The following ROBO1 variants were observed in gnomAD, a reference collection of about 807,000 sequenced individuals.
ROBO1 encodes roundabout homolog 1.
A neutral mutation model predicts 195.9 loss-of-function variants in ROBO1; 149 were observed. That is an observed-to-expected ratio of 0.76 (90% CI 0.67 to 0.87). The LOEUF is 0.87. Among genes scored for constraint, ROBO1 ranks in the 40% least tolerant of loss-of-function variants. The probability of loss-of-function intolerance (pLI) is 0.00; values close to 1 mark genes in which losing one functional copy is unlikely to be tolerated. For missense variants in ROBO1, 1,933 were observed against 2,068.3 expected (o/e 0.93, Z 1.27); for synonymous variants, 816 against 733.2 (o/e 1.11, Z -1.82).
At chr3:79,484,762 T>TTTTTTTTTTTTTTTTTTTTTTTTTG (rs1939067469) in intron 2 of ROBO1, among the ~76,000 whole-genome samples, 1 of 114,408 alleles carries the variant, frequency 8.7e-6, no homozygotes, top group Non-Finnish European at 1.8e-5. Flanking sequence ...TATCTTTTTT[T>TTTTTTTTTTTTTTTTTTTTTTTTTG]TTTTTTTTTT....
chr3:78,611,941 T>C (rs576011888), intron 28 of ROBO1, among the ~76,000 whole-genome samples: 1 of 152,264 alleles, frequency 6.6e-6, no homozygotes, highest in South Asian at 2.1e-4. Context: ...CTTAAACTTC[T>C]GGCTTCCAGA....
At chr3:78,896,508 A>T (rs1389204592) in intron 4 of ROBO1, among the ~76,000 whole-genome samples, 2 of 151,796 alleles carry the variant, frequency 1.3e-5, no homozygotes, top group Non-Finnish European at 2.9e-5. Context: ...ACTTTGTGAG[A>T]TCCACCCCCT....
intron 1 of ROBO1, among the ~76,000 whole-genome samples, chr3:79,656,150 A>G (rs2106786890): frequency 6.6e-6 from 1 of 152,210 alleles, no homozygotes; most frequent in East Asian, 1.9e-4. Flanking sequence ...AGGATTGCAA[A>G]GACAAAGTGA....
intron 8 of ROBO1, among the ~76,000 whole-genome samples, chr3:78,702,951 T>G (rs1040404350): frequency 6.6e-6 from 1 of 152,204 alleles, no homozygotes; most frequent in African/African-American, 2.4e-5. Flanking sequence ...TTGCCTGGCG[T>G]GCACAATTAA....
chr3:79,307,273 A>T (rs1234252343), intron 2 of ROBO1, among the ~76,000 whole-genome samples: 1 of 152,028 alleles, frequency 6.6e-6, no homozygotes, highest in Non-Finnish European at 1.5e-5. Flanking sequence ...CAAACTATAG[A>T]CATTATCCAT....
intron 2 of ROBO1, among the ~76,000 whole-genome samples, chr3:79,341,270 T>A (rs1288621715): frequency 6.6e-6 from 1 of 152,144 alleles, no homozygotes; most frequent in African/African-American, 2.4e-5. Context: ...AGAAAAACAG[T>A]TGCTTAGACA....
chr3:78,692,293 C>T (rs1575947245), intron 8 of ROBO1, among the ~76,000 whole-genome samples: 1 of 151,922 alleles, frequency 6.6e-6, no homozygotes, highest in African/African-American at 2.4e-5. Context: ...GAGGCAGGGT[C>T]TTGTCTCACT....
chr3:78,711,361 T>C (rs1559772914), intron 8 of ROBO1, among the ~76,000 whole-genome samples: 2 of 40,292 alleles, frequency 5.0e-5, no homozygotes, highest in African/African-American at 2.0e-4. Flanking sequence ...CTTCCTTCCT[T>C]CCTTCCTTCC....
In ROBO1 at chr3:78,962,016, G is replaced by A. The variant is rs328046; in HGVS notation, c.173-23089C>T. Among the ~76,000 whole-genome samples the A allele has an allele frequency of 2.6e-3, 391 of 151,854 alleles. 2 individuals are homozygous for A. The highest frequency in any genetic ancestry group is 4.7e-3 in the Admixed American group (71 of 15,252). On this transcript the variant is annotated intron_variant, in intron 3 of 30. Coordinates refer to ENST00000464233, the MANE Select transcript of ROBO1 (RefSeq NM_002941.4). Reference sequence around the variant, plus strand: ...CCATAAAATGAGGTTAATATAGCATGTTAAAGCTGGAAAAAGAACAGATAA... The same window carrying A: ...CCATAAAATGAGGTTAATATAGCATATTAAAGCTGGAAAAAGAACAGATAA...
intron 2 of ROBO1, among the ~76,000 whole-genome samples, chr3:79,555,883 C>T (rs1034518413): frequency 6.6e-6 from 1 of 152,070 alleles, no homozygotes; most frequent in African/African-American, 2.4e-5. Context: ...CTGGGAATTG[C>T]ATATATCCTT....
chr3:78,948,975 G>A (rs1188616610), intron 3 of ROBO1, among the ~76,000 whole-genome samples: 2 of 150,788 alleles, frequency 1.3e-5, no homozygotes, highest in East Asian at 3.9e-4. Context: ...ACCTCTTCAA[G>A]GAGAACTACA....
chr3:79,549,480 G>T (rs760039655), intron 2 of ROBO1, among the ~76,000 whole-genome samples: 1 of 152,080 alleles, frequency 6.6e-6, no homozygotes, highest in Non-Finnish European at 1.5e-5. Context: ...TTAACCAACT[G>T]CAGATTGAAA....
At chr3:78,749,980 G>C (rs916776180) in intron 4 of ROBO1, among the ~76,000 whole-genome samples, 2 of 152,148 alleles carry the variant, frequency 1.3e-5, no homozygotes, top group Non-Finnish European at 2.9e-5. Context: ...TATTAAATCA[G>C]AGTTCCCACT....
At chr3:79,306,214 A>G (rs2033210337) in intron 2 of ROBO1, among the ~76,000 whole-genome samples, 1 of 152,180 alleles carries the variant, frequency 6.6e-6, no homozygotes, top group African/African-American at 2.4e-5. Context: ...AATGTTTTTC[A>G]AAACAGCTGT....
At chr3:79,157,708 G>T (rs2080883480) in intron 2 of ROBO1, among the ~76,000 whole-genome samples, 1 of 151,858 alleles carries the variant, frequency 6.6e-6, no homozygotes, top group Non-Finnish European at 1.5e-5. Flanking sequence ...AGCTGAAGAA[G>T]TAATATGTGC....
At chr3:79,664,564 A>AT (rs552164718) in intron 1 of ROBO1, among the ~76,000 whole-genome samples, 57 of 151,998 alleles carry the variant, frequency 3.8e-4, no homozygotes, top group African/African-American at 1.4e-3. Context: ...GCTTCAATTT[A>AT]TTTTTTCATA....
chr3:79,138,062 A>G (rs925792451), intron 2 of ROBO1, among the ~76,000 whole-genome samples: 6 of 152,120 alleles, frequency 3.9e-5, no homozygotes, highest in African/African-American at 1.4e-4. Flanking sequence ...GTTCCAAAGC[A>G]TAAGGCTTTG....
At chr3:79,708,913 C>T (rs1488712196) in intron 1 of ROBO1, among the ~76,000 whole-genome samples, 1 of 152,022 alleles carries the variant, frequency 6.6e-6, no homozygotes, top group Non-Finnish European at 1.5e-5. Context: ...GGAGAATAAA[C>T]ATTTAAACTC....
intron 4 of ROBO1, among the ~76,000 whole-genome samples, chr3:78,756,461 T>C (rs891511293): frequency 6.6e-6 from 1 of 152,224 alleles, no homozygotes; most frequent in South Asian, 2.1e-4. Flanking sequence ...ATGTAAAGCA[T>C]ATGTAAAATT....
Sources: allele counts gnomAD v4.1 joint callset (sites outside exome capture counted in the v4.1 genomes callset), GRCh38; gene constraint gnomAD v4.1.1; transcripts MANE v1.5; gene names NCBI Gene and HGNC (gene_info 2026-07-23, HGNC 2026-07-21).